ZNRF3: variants seen among roughly 807,000 people sequenced by gnomAD.
ZNRF3 encodes the protein E3 ubiquitin-protein ligase ZNRF3.
ZNRF3 carries 23 observed loss-of-function variants against 72.5 expected under a neutral mutation model. The ratio of observed to expected loss-of-function variants is 0.32; its 90% CI spans 0.23 to 0.45. The LOEUF (loss-of-function observed/expected upper bound fraction) is 0.45, where lower values mean the gene tolerates loss of function less well. Ranked by LOEUF, ZNRF3 falls within the 20% of genes least tolerant of loss-of-function variation. ZNRF3 has a pLI of 1.00. For missense variants in ZNRF3, 1,169 were observed against 1,272.1 expected (o/e 0.92, Z 1.23); for synonymous variants, 610 against 545.3 (o/e 1.12, Z -1.65).
At chr22:28,992,023 C>T (rs962575457) in intron 2 of ZNRF3, among the ~76,000 whole-genome samples, 1 of 151,712 alleles carries the variant, frequency 6.6e-6, no homozygotes, top group Non-Finnish European at 1.5e-5. Context: ...CATGGTGGCA[C>T]GAGCCTGTAG....
At chr22:28,986,904 G>A in intron 1 of ZNRF3, 172 bp from the exon 2 acceptor site, 1 of 829,718 alleles carries the variant, frequency 1.2e-6, no homozygotes, top group Non-Finnish European at 1.8e-6. Context: ...TCTCCCCAGT[G>A]CTCAGCTCAT....
rs543401131 is a variant in ZNRF3, at chr22:29,001,637, A to G, written c.426+14436A>G. 1.3e-4 allele frequency among the ~76,000 whole-genome samples: 20 copies of G among 152,120 alleles called. No individual in the cohort carries two copies. The South Asian group carries it at 3.5e-3, about 27-fold the overall frequency. On this transcript the variant is annotated intron_variant, in intron 2 of 8. Transcript: ENST00000544604. ...TAGGCACACGCCATCACGCCCAGCTAATTTTTTTATTTTTCAGTAGAGGCG... is the reference window on the plus strand; with the variant it reads ...TAGGCACACGCCATCACGCCCAGCTGATTTTTTTATTTTTCAGTAGAGGCG...
intron 1 of ZNRF3, among the ~76,000 whole-genome samples, chr22:28,970,004 C>T (rs1048650142): frequency 5.9e-5 from 9 of 152,172 alleles, no homozygotes; most frequent in African/African-American, 2.2e-4. Context: ...AATGCCATTA[C>T]TTGAGAAGAG....
intron 1 of ZNRF3, among the ~76,000 whole-genome samples, chr22:28,979,596 A>C (rs1268664489): frequency 2.6e-5 from 4 of 152,246 alleles, no homozygotes; most frequent in African/African-American, 7.2e-5. Flanking sequence ...TAGGTCTTTC[A>C]AAGTTCATGC....
intron 2 of ZNRF3, among the ~76,000 whole-genome samples, chr22:28,996,939 A>G (rs1294624264): frequency 6.6e-6 from 1 of 152,162 alleles, no homozygotes; most frequent in African/African-American, 2.4e-5. Flanking sequence ...ATCCTTCCGC[A>G]TGCCATCCTC....
chr22:29,028,481 T>C (rs2036685964), intron 2 of ZNRF3, among the ~76,000 whole-genome samples: 1 of 152,216 alleles, frequency 6.6e-6, no homozygotes, highest in African/African-American at 2.4e-5. Flanking sequence ...GGAAATATAA[T>C]ACTTACATAA....
chr22:28,934,106 C>G lies in ZNRF3; in HGVS notation c.300+50040C>G, dbSNP rs1231747341. On this transcript the variant is annotated intron_variant, in intron 1 of 8. Transcript: ENST00000544604. ...AACTTAAACCCTGAGAACAAAAGTA[C>G]TTTCCAGCTTCCAAATGGGAAGATC... Among the ~76,000 whole-genome samples, 5 of 152,160 alleles carry G rather than the reference C, an allele frequency of 3.3e-5. No homozygotes were observed. The East Asian group carries it at 9.7e-4, about 29-fold the overall frequency.
In ZNRF3 at chr22:29,049,657, C is replaced by T. The variant is rs753817132; in HGVS notation, c.1476C>T (p.Pro492=). The change falls in exon 8 of 9, where the codon CCC becomes CCT. Residue 492 remains proline (P), a synonymous_variant. Coordinates refer to ENST00000544604, the MANE Select transcript of ZNRF3 (RefSeq NM_001206998.2). This position sits in a 1 kb window ranked among gnomAD's most constrained non-coding sequence, Gnocchi z 5.2. ...GGCAGTCCCCACCTAGCCTCGCACCCCGGGGCCCGGCCCGTGCCTTTCCTC... is the reference window on the plus strand; with the variant it reads ...GGCAGTCCCCACCTAGCCTCGCACCTCGGGGCCCGGCCCGTGCCTTTCCTC... ...QEGQSPPSLA[P]RGPARAFPPS... is the part of the protein sequence containing the mutation. 1 of 1,609,554 alleles carries T rather than the reference C, an allele frequency of 6.2e-7. No individual in the cohort carries two copies. Among genetic ancestry groups the T allele is most frequent in the Non-Finnish European group, 8.5e-7 (1 of 1,179,482 alleles).
intron 8 of ZNRF3, among the ~76,000 whole-genome samples, chr22:29,052,818 A>T (rs950179189): frequency 5.9e-5 from 9 of 151,552 alleles, no homozygotes; most frequent in African/African-American, 1.2e-4. Context: ...TTAAAAAAAA[A>T]TTTAAAAAAA....
chr22:29,012,551 T>A (rs1445655879), intron 2 of ZNRF3, among the ~76,000 whole-genome samples: 1 of 152,202 alleles, frequency 6.6e-6, no homozygotes, highest in African/African-American at 2.4e-5. Context: ...AGCTGGTCAG[T>A]GAATGATACA....
intron 1 of ZNRF3, among the ~76,000 whole-genome samples, chr22:28,970,079 CCTT>C (rs1447937260): frequency 2.0e-5 from 3 of 152,080 alleles, no homozygotes; most frequent in Non-Finnish European, 1.5e-5. Flanking sequence ...GAAAATTAGC[CCTT>C]CTTACCCGAC....
At chr22:29,053,133 G>C (rs2037237127) in intron 8 of ZNRF3, among the ~76,000 whole-genome samples, 1 of 151,932 alleles carries the variant, frequency 6.6e-6, no homozygotes, top group Non-Finnish European at 1.5e-5. Flanking sequence ...CCCCAGACCT[G>C]TCCGCTACTT....
chr22:29,012,997 C>T (rs867322100), intron 2 of ZNRF3, among the ~76,000 whole-genome samples: 1 of 152,280 alleles, frequency 6.6e-6, no homozygotes, highest in Non-Finnish European at 1.5e-5. Flanking sequence ...GTTACTTAAG[C>T]GTATAGATGG....
At chr22:28,955,045 T>TA (rs1569259800) in intron 1 of ZNRF3, among the ~76,000 whole-genome samples, 2 of 145,766 alleles carry the variant, frequency 1.4e-5, no homozygotes, top group African/African-American at 5.1e-5. Flanking sequence ...TTTTTTTTTT[T>TA]GTTTTTTTTT....
At chr22:29,034,914 A>G (rs781119317) in intron 2 of ZNRF3, among the ~76,000 whole-genome samples, 1 of 151,994 alleles carries the variant, frequency 6.6e-6, no homozygotes, top group Non-Finnish European at 1.5e-5. Flanking sequence ...GTTAATAACT[A>G]CCGTGGAACA....
chr22:28,936,927 G>A (rs1484020963), intron 1 of ZNRF3, among the ~76,000 whole-genome samples: 1 of 152,012 alleles, frequency 6.6e-6, no homozygotes, highest in Non-Finnish European at 1.5e-5. Flanking sequence ...ACCATGGAAC[G>A]GGATCAAAGA....
intron 1 of ZNRF3, among the ~76,000 whole-genome samples, chr22:28,904,891 C>T (rs572556119): frequency 2.0e-5 from 3 of 151,548 alleles, no homozygotes; most frequent in South Asian, 2.1e-4. Flanking sequence ...TTTGGCTGAC[C>T]TGAGAGCTTT....
chr22:29,012,844 A>G (rs2036368764), intron 2 of ZNRF3, among the ~76,000 whole-genome samples: 1 of 152,186 alleles, frequency 6.6e-6, no homozygotes. Context: ...TAATATTTAC[A>G]ACTCTGTGAT....
chr22:28,938,409 A>G (rs1419033451), intron 1 of ZNRF3, among the ~76,000 whole-genome samples: 1 of 152,122 alleles, frequency 6.6e-6, no homozygotes, highest in Non-Finnish European at 1.5e-5. Context: ...GAGGTTAGAG[A>G]TTATTTGCCC....
Sources: allele counts gnomAD v4.1 joint callset (sites outside exome capture counted in the v4.1 genomes callset), GRCh38; gene constraint gnomAD v4.1.1; non-coding constraint Gnocchi (gnomAD v3.1); transcripts MANE v1.5; gene names NCBI Gene and HGNC (gene_info 2026-07-23, HGNC 2026-07-21).